Variants in COL22A1 observed in about 807,000 individuals in gnomAD.
COL22A1 encodes collagen alpha-1(XXII) chain.
In COL22A1, 221 loss-of-function variants were observed where a neutral mutation model predicts 248.9. That is an observed-to-expected ratio of 0.89 (90% CI 0.80 to 0.99). The LOEUF (loss-of-function observed/expected upper bound fraction) is 0.99, where lower values mean the gene tolerates loss of function less well. Ranked by LOEUF, COL22A1 falls within the 50% of genes least tolerant of loss-of-function variation. COL22A1 has a pLI of 0.00. For missense variants in COL22A1, 2,240 were observed against 2,179.0 expected, an observed-to-expected ratio of 1.03 and a Z score of -0.56; for synonymous variants, 891 against 793.4, an observed-to-expected ratio of 1.12 and a Z score of -2.07.
chr8:138,878,046 A>G lies in COL22A1; in HGVS notation c.362T>C (p.Leu121Pro). The change falls in exon 3 of 65, where the codon CTC becomes CCC. Residue 121 changes from leucine to proline, a missense_variant. By Grantham distance (98) the Leu-to-Pro change is moderately conservative. Coordinates refer to ENST00000303045, the MANE Select transcript of COL22A1 (RefSeq NM_152888.3). ...HGGNTNTGDA[L>P]RYITARSFSP... is the part of the protein sequence containing the mutation. ...GAAGCTGCGGGCCGTGATGTAGCGG[A>G]GCGCGTCTCCCGTGTTGGTGTTGCC... 1 of 1,593,460 alleles carries G rather than the reference A, an allele frequency of 6.3e-7. No individual in the cohort carries two copies. Among genetic ancestry groups the G allele is most frequent in the Non-Finnish European group, 8.5e-7 (1 of 1,170,546 alleles).
intron 52 of COL22A1, among the ~76,000 whole-genome samples, chr8:138,622,135 C>G (rs1366870539): frequency 6.6e-6 from 1 of 152,182 alleles, no homozygotes; most frequent in Non-Finnish European, 1.5e-5. Context: ...TGGAACTCCC[C>G]TTAGTGGTTC....
intron 23 of COL22A1, among the ~76,000 whole-genome samples, chr8:138,726,825 C>G (rs889117494): frequency 2.0e-5 from 3 of 152,164 alleles, no homozygotes; most frequent in South Asian, 2.1e-4. Flanking sequence ...TCAGAGGCCA[C>G]GGGCTGTCAT....
intron 62 of COL22A1, among the ~76,000 whole-genome samples, chr8:138,596,168 C>T (rs1817525279): frequency 6.6e-6 from 1 of 152,220 alleles, no homozygotes; most frequent in African/African-American, 2.4e-5. Context: ...AACATGTTGG[C>T]ACGATTACTA....
chr8:138,782,042 A>C (rs1815056819), intron 12 of COL22A1, among the ~76,000 whole-genome samples: 1 of 152,366 alleles, frequency 6.6e-6, no homozygotes, highest in South Asian at 2.1e-4. Flanking sequence ...TCTAGATTTT[A>C]TCTACAAACA....
chr8:138,781,343 G>A (rs1814978061), intron 12 of COL22A1, among the ~76,000 whole-genome samples: 1 of 152,106 alleles, frequency 6.6e-6, no homozygotes, highest in Non-Finnish European at 1.5e-5. Flanking sequence ...GCTGCAGCGG[G>A]GCTCTCAACC....
chr8:138,685,083 A>G, intron 38 of COL22A1, 125 bp downstream of exon 38: 1 of 714,598 alleles, frequency 1.4e-6, no homozygotes, highest in Non-Finnish European at 2.4e-6. Flanking sequence ...CCCTTTCCCA[A>G]CCAGGCCCAT....
intron 7 of COL22A1, among the ~76,000 whole-genome samples, chr8:138,814,763 C>T (rs952253840): frequency 6.6e-6 from 1 of 152,116 alleles, no homozygotes; most frequent in Non-Finnish European, 1.5e-5. Context: ...TGAGACAGTA[C>T]ATGTTTGTTG....
At chr8:138,877,436 C>G (rs962485277) in intron 3 of COL22A1, among the ~76,000 whole-genome samples, 1 of 152,212 alleles carries the variant, frequency 6.6e-6, no homozygotes, top group Non-Finnish European at 1.5e-5. Flanking sequence ...CACCAAGTAT[C>G]TCCCAGGTGG....
intron 18 of COL22A1, among the ~76,000 whole-genome samples, chr8:138,758,933 G>A (rs895252556): frequency 3.3e-5 from 5 of 152,140 alleles, no homozygotes; most frequent in Non-Finnish European, 7.3e-5. Context: ...GCAAGAAATA[G>A]AGTCATCACC....
intron 41 of COL22A1, among the ~76,000 whole-genome samples, chr8:138,670,858 G>C (rs1824955678): frequency 6.6e-6 from 1 of 150,836 alleles, no homozygotes; most frequent in South Asian, 2.1e-4. Flanking sequence ...CTACTCAGGA[G>C]GCTGAGGTGG....
intron 3 of COL22A1, among the ~76,000 whole-genome samples, chr8:138,847,409 C>T (rs762714242): frequency 3.9e-5 from 6 of 152,176 alleles, no homozygotes; most frequent in African/African-American, 7.2e-5. Context: ...GCCCCATATC[C>T]ATTTCCCACT....
intron 56 of COL22A1, among the ~76,000 whole-genome samples, chr8:138,609,825 C>T (rs1046597615): frequency 3.9e-5 from 6 of 152,118 alleles, no homozygotes; most frequent in African/African-American, 1.4e-4. Context: ...GGTGCCTGTG[C>T]TCTGTGCACT....
intron 41 of COL22A1, among the ~76,000 whole-genome samples, chr8:138,669,099 C>A (rs1015710962): frequency 6.6e-6 from 1 of 152,160 alleles, no homozygotes; most frequent in Non-Finnish European, 1.5e-5. Context: ...GCTGGAGAGG[C>A]CTCTGAAGCT....
chr8:138,840,762 T>C (rs1057193955), intron 4 of COL22A1, among the ~76,000 whole-genome samples: 2 of 151,976 alleles, frequency 1.3e-5, no homozygotes, highest in Non-Finnish European at 2.9e-5. Flanking sequence ...CGCACCACCA[T>C]AGTTGGCTGA....
At chr8:138,712,956 T>C (rs1172650166) in intron 30 of COL22A1, among the ~76,000 whole-genome samples, 2 of 152,190 alleles carry the variant, frequency 1.3e-5, no homozygotes, top group East Asian at 1.9e-4. Flanking sequence ...TCTTAGACAA[T>C]GACTGTCAGA....
At chr8:138,703,775 T>A (rs1343612064) in intron 30 of COL22A1, among the ~76,000 whole-genome samples, 1 of 152,098 alleles carries the variant, frequency 6.6e-6, no homozygotes, top group Non-Finnish European at 1.5e-5. Context: ...TCACTGGGGC[T>A]TTTTGGACAG....
intron 52 of COL22A1, among the ~76,000 whole-genome samples, chr8:138,620,998 C>T (rs1819754420): frequency 6.8e-6 from 1 of 147,282 alleles, no homozygotes; most frequent in Non-Finnish European, 1.5e-5. Flanking sequence ...TCCATCCACC[C>T]ATCCATCCAT....
At chr8:138,671,414 C>T (rs767985791) in intron 41 of COL22A1, among the ~76,000 whole-genome samples, 7 of 152,114 alleles carry the variant, frequency 4.6e-5, no homozygotes, top group Admixed American at 3.9e-4. Context: ...GTAGCCAGAC[C>T]GTAGTACTAT....
intron 3 of COL22A1, among the ~76,000 whole-genome samples, chr8:138,867,998 C>T (rs576431142): frequency 2.2e-4 from 34 of 152,136 alleles, no homozygotes; most frequent in Non-Finnish European, 3.8e-4. Flanking sequence ...CTCCTGACCT[C>T]GTGATCTGCC....
Sources: allele counts gnomAD v4.1 joint callset (sites outside exome capture counted in the v4.1 genomes callset), GRCh38; gene constraint gnomAD v4.1.1; transcripts MANE v1.5; gene names NCBI Gene and HGNC (gene_info 2026-07-23, HGNC 2026-07-21).